Variants in PUS7L observed in about 807,000 individuals in gnomAD.
PUS7L encodes the protein pseudouridine synthase 7 like, also known as pseudouridylate synthase PUS7L.
In PUS7L, 49 loss-of-function variants were observed where a neutral mutation model predicts 51.1. That is an observed-to-expected ratio of 0.96 (90% CI 0.76 to 1.22). The LOEUF is 1.22. Among genes scored for constraint, PUS7L ranks in the 50% most tolerant of loss-of-function variants. The pLI, the probability that PUS7L is intolerant of heterozygous loss-of-function variation, is 0.00. For missense variants in PUS7L, 828 were observed against 820.6 expected (o/e 1.01, Z -0.11); for synonymous variants, 277 against 276.2 (o/e 1.00, Z -0.03).
chr12:43,753,768 A>G (rs553629393), intron 2 of PUS7L, among the ~76,000 whole-genome samples: 19 of 152,290 alleles, frequency 1.2e-4, no homozygotes, highest in Admixed American at 1.0e-3. Context: ...TCAGAAACTG[A>G]GAATGGAGCT....
Position 43,748,536 on chromosome 12 carries a change from A to G in PUS7L, c.984T>C (p.Ile328=). 1 of 1,612,328 alleles carries G rather than the reference A, an allele frequency of 6.2e-7. No homozygotes were observed. Among genetic ancestry groups the G allele is most frequent in the Non-Finnish European group, 8.5e-7 (1 of 1,179,472 alleles). Residue 328 remains isoleucine, a synonymous_variant, in exon 3 of 9, where the codon ATT becomes ATC. Coordinates refer to ENST00000344862, the MANE Select transcript of PUS7L (RefSeq NM_031292.5). ...GGCCTGCATAACTAAAATCCGAAGG[A>G]ATAACACCAAGTTTGATAGCTAAAA... ...IGFLAIKLGV[I]PSDFSYAGLK... is the part of the protein sequence containing the mutation.
At chr12:43,758,460 GC>G in intron 1 of PUS7L, 1 of 985,562 alleles carries the variant, frequency 1.0e-6, no homozygotes, top group Non-Finnish European at 1.2e-6. Context: ...ACCCAGTCCT[GC>G]AGAAGCTACT....
At chr12:43,757,591 C>A (rs1938846538) in intron 1 of PUS7L, among the ~76,000 whole-genome samples, 4 of 152,186 alleles carry the variant, frequency 2.6e-5, no homozygotes. Flanking sequence ...TGAGGAGTAA[C>A]CTTGTCTGCC....
rs201122908 is a variant in PUS7L at position 43,754,728 on chromosome 12, G to T, written c.518C>A (p.Ala173Asp). 1.1e-4 allele frequency: 173 copies of T among 1,613,924 alleles called. No homozygotes were observed. Among genetic ancestry groups the T allele is most frequent in the Non-Finnish European group, 1.3e-4 (159 of 1,179,892 alleles). ...IGRILDKNQR[A>D]SLHSAIRQKF... Reference sequence around the variant, plus strand: ...CTGCCTAATGGCACTGTGTAAACTAGCCCTCTGGTTTTTGTCAAGGATTCT... The same window carrying T: ...CTGCCTAATGGCACTGTGTAAACTATCCCTCTGGTTTTTGTCAAGGATTCT... Residue 173 changes from alanine (A) to aspartate (D), a missense_variant, in exon 2 of 9, where the codon GCT (alanine) becomes GAT (aspartate). Transcript: ENST00000344862.
At chr12:43,758,693 A>G in intron 1 of PUS7L, 37 bp downstream of exon 1, 1 of 808,760 alleles carries the variant, frequency 1.2e-6, no homozygotes, top group Non-Finnish European at 1.4e-6. Context: ...ACACACATAC[A>G]AGCCCACCAT....
chr12:43,738,494 A>C (rs1465344158), intron 5 of PUS7L, 103 bp from the exon 6 acceptor site: 1 of 657,130 alleles, frequency 1.5e-6, no homozygotes, highest in East Asian at 2.7e-5. Context: ...TAGGGATTTA[A>C]TAATTATACT....
At chr12:43,743,539 G>A (rs111619203) in intron 4 of PUS7L, among the ~76,000 whole-genome samples, 3,911 of 152,232 alleles carry the variant, frequency 0.026, 177 homozygotes, top group African/African-American at 0.088. Flanking sequence ...CAAGGCCGGC[G>A]GATCACGAGC....
rs1346097319 is a variant in PUS7L, at chr12:43,724,633, A to G, written c.*5743T>C. ...CAATACTATCCTGGACTGAAAAATG[A>G]TAACTAACAGTACTTCAAGTCCAAG... On this transcript the variant is annotated 3_prime_UTR_variant, in exon 9 of 9. Coordinates refer to ENST00000344862, the MANE Select transcript of PUS7L (RefSeq NM_031292.5). 4 of 152,130 alleles carry G rather than the reference A, an allele frequency of 2.6e-5. No individual in the cohort carries two copies. Among genetic ancestry groups the G allele is most frequent in the African/African-American group, 9.6e-5 (4 of 41,464 alleles). 9.4% of individuals were successfully genotyped at this position (152,130 alleles called of 1,614,324 possible). A position where few individuals can be genotyped will look rare whatever the true frequency, so the allele number is the denominator to read the frequency against.
intron 2 of PUS7L, 142 bp downstream of exon 2, chr12:43,754,194 A>C (rs1938582737): frequency 3.8e-6 from 2 of 528,782 alleles, no homozygotes; most frequent in Admixed American, 3.6e-5. Flanking sequence ...AGTTGCTTAA[A>C]TTGCTTATCA....
chr12:43,735,952 T>G, intron 7 of PUS7L, among the ~76,000 whole-genome samples: 1 of 152,072 alleles, frequency 6.6e-6, no homozygotes, highest in East Asian at 1.9e-4. Context: ...AATTTTTGTA[T>G]TTTAGTAGAG....
rs1296280985 is a variant in PUS7L at position 43,730,532 on chromosome 12, A to T, written c.1950T>A (p.Asn650Lys). The part of the protein sequence containing the change: ...CYRQILKHPC[N>K]LSYQLMEDHD... ...GATCTTCCATTAGTTGGTATGAGAG[A>T]TTACAGGGATGTTTCAAAATCTGTC... is the stretch of plus-strand genomic sequence containing the variant. The change falls in exon 9 of 9, where the codon AAT becomes AAA. Residue 650 changes from asparagine (N) to lysine (K), a missense_variant. By Grantham distance (94) the Asn-to-Lys change is moderately conservative (BLOSUM62 0). Transcript: ENST00000344862. 3 of 1,613,790 alleles carry T rather than the reference A, an allele frequency of 1.9e-6. No homozygotes were observed. Among genetic ancestry groups the T allele is most frequent in the African/African-American group, 1.3e-5 (1 of 74,904 alleles).
In PUS7L at chr12:43,754,974, A is replaced by T; in HGVS notation, c.272T>A (p.Leu91Ter). 6.2e-7 allele frequency: 1 copy of T among 1,613,726 alleles called. No homozygotes were observed. The highest frequency in any genetic ancestry group is 8.5e-7 in the Non-Finnish European group (1 of 1,179,800). The change falls in exon 2 of 9, where the codon TTG becomes TAG. Residue 91 changes from leucine (L) to a stop codon, truncating the protein, a stop_gained. Transcript: ENST00000344862. LOFTEE classifies it high-confidence loss of function. ...EDGRNQEVHT[L>*]IKYTDGDQNH... ...TTGGTCACCATCAGTGTACTTAATC[A>T]AAGTATGAACTTCTTGGTTTCTTCC...
intron 7 of PUS7L, 84 bp from the exon 8 acceptor site, chr12:43,731,842 A>G: frequency 1.3e-6 from 1 of 780,940 alleles, no homozygotes. Flanking sequence ...ACTCTATTAT[A>G]TATAAATCAG....
At chr12:43,751,620 C>T (rs572907080) in intron 2 of PUS7L, among the ~76,000 whole-genome samples, 14 of 152,182 alleles carry the variant, frequency 9.2e-5, no homozygotes, top group African/African-American at 3.4e-4. Flanking sequence ...GGGTTGGTTC[C>T]AAGTCTTTGC....
chr12:43,734,465 T>G (rs897852246), intron 7 of PUS7L, among the ~76,000 whole-genome samples: 1 of 152,238 alleles, frequency 6.6e-6, no homozygotes. Context: ...TAAATTCCCA[T>G]GTTTCTTTAA....
intron 1 of PUS7L, 99 bp from the exon 2 acceptor site, chr12:43,755,360 T>A: frequency 1.4e-6 from 1 of 691,870 alleles, no homozygotes; most frequent in Non-Finnish European, 2.4e-6. Flanking sequence ...TCTGTCTCTC[T>A]TTTAATTCTG....
chr12:43,758,391 C>T (rs1938962726), intron 1 of PUS7L: 1 of 985,356 alleles, frequency 1.0e-6, no homozygotes, highest in Non-Finnish European at 1.2e-6. Flanking sequence ...TTTGCTTGGC[C>T]CGTGGTTGAG....
At chr12:43,742,872 G>A (rs1310258598) in intron 4 of PUS7L, among the ~76,000 whole-genome samples, 1 of 152,148 alleles carries the variant, frequency 6.6e-6, no homozygotes, top group Non-Finnish European at 1.5e-5. Context: ...CTTCCAAAAT[G>A]AGTTGATCAC....
In PUS7L at chr12:43,742,508, T is replaced by C; in HGVS notation, c.1311A>G (p.Gly437=). The stretch of plus-strand genomic sequence containing the variant: ...CAATTTGGTCTGTGTGAACTTTCCT[T>C]CCCTTCCCAAATCTCTGTGGTCCAT... ...NYYGPQRFGK[G]RKVHTDQIGL... is the part of the protein sequence containing the mutation. The change falls in exon 5 of 9, where the codon GGA becomes GGG. Residue 437 remains glycine, a synonymous_variant. Coordinates refer to ENST00000344862, the MANE Select transcript of PUS7L (RefSeq NM_031292.5). The C allele has an allele frequency of 6.2e-7, 1 of 1,609,826 alleles. No homozygotes were observed. The highest frequency in any genetic ancestry group is 8.5e-7 in the Non-Finnish European group (1 of 1,178,520).
Sources: allele counts gnomAD v4.1 joint callset (sites outside exome capture counted in the v4.1 genomes callset), GRCh38; gene constraint gnomAD v4.1.1; transcripts MANE v1.5; gene names NCBI Gene and HGNC (gene_info 2026-07-23, HGNC 2026-07-21).